Variants in GALNT18 observed in about 807,000 individuals in gnomAD.
GALNT18 encodes polypeptide N-acetylgalactosaminyltransferase 18, also known as GalNAc-transferase 18.
Under a neutral mutation model 69.5 loss-of-function variants are expected in GALNT18, and 44 were observed. That is an observed-to-expected ratio of 0.63 (90% CI 0.50 to 0.81). The LOEUF (loss-of-function observed/expected upper bound fraction) is 0.81, where lower values mean the gene tolerates loss of function less well. Ranked by LOEUF, GALNT18 falls within the 40% of genes least tolerant of loss-of-function variation. The pLI is 0.00. For synonymous variants in GALNT18, 364 were observed against 318.2 expected, an observed-to-expected ratio of 1.14 and a Z score of -1.53; for missense variants, 715 against 810.0, an observed-to-expected ratio of 0.88 and a Z score of 1.42.
rs1850183490 is a variant in GALNT18, at chr11:11,340,463, T to C, written c.1278+356A>G. 6.6e-6 allele frequency among the ~76,000 whole-genome samples: 1 copy of C among 152,180 alleles called. No homozygotes were observed. Among genetic ancestry groups the C allele is most frequent in the Admixed American group, 6.5e-5 (1 of 15,288 alleles). On this transcript the variant is annotated intron_variant, in intron 7 of 10. Coordinates refer to ENST00000227756, the MANE Select transcript of GALNT18 (RefSeq NM_198516.3). The surrounding 1 kb of genome is among the most constrained non-coding windows in gnomAD (Gnocchi z 4.2). Reference sequence around the variant, plus strand: ...TTTTGTAAATTTTTGTAGTTACTGGTATATTTGTAATCCAGGACCATGAAA... The same window carrying C: ...TTTTGTAAATTTTTGTAGTTACTGGCATATTTGTAATCCAGGACCATGAAA...
intron 1 of GALNT18, among the ~76,000 whole-genome samples, chr11:11,519,865 G>A (rs1165642428): frequency 6.6e-6 from 1 of 152,238 alleles, no homozygotes; most frequent in Non-Finnish European, 1.5e-5. Context: ...TAAAGTCTGT[G>A]GGTAACGATG....
At position 11,586,912 on chromosome 11, in the gene GALNT18, C is replaced by T. The variant is rs930544038; in HGVS notation, c.235+34447G>A. Among the ~76,000 whole-genome samples, 3 of 152,078 alleles carry T rather than the reference C, an allele frequency of 2.0e-5. No individual in the cohort carries two copies. The highest frequency in any genetic ancestry group is 7.2e-5 in the African/African-American group (3 of 41,398). ...CTGAGGCAGGAGAATCACTTGAACCCAGGAGGCGGAGGGTGCAGTGAGCCG... is the reference window on the plus strand; with the variant it reads ...CTGAGGCAGGAGAATCACTTGAACCTAGGAGGCGGAGGGTGCAGTGAGCCG... On this transcript the variant is annotated intron_variant, in intron 1 of 10. Coordinates refer to ENST00000227756, the MANE Select transcript of GALNT18 (RefSeq NM_198516.3). This position sits in a 1 kb window ranked among gnomAD's most constrained non-coding sequence, Gnocchi z 4.1.
chr11:11,420,101 G>A (rs550678253), intron 3 of GALNT18, among the ~76,000 whole-genome samples: 7 of 151,686 alleles, frequency 4.6e-5, no homozygotes, highest in South Asian at 2.1e-4. Flanking sequence ...CCTGAGAGTC[G>A]ATTAGGACTC....
chr11:11,525,159 G>A (rs11605409), intron 1 of GALNT18, among the ~76,000 whole-genome samples: 5 of 152,168 alleles, frequency 3.3e-5, no homozygotes, highest in Non-Finnish European at 7.3e-5. Context: ...TAGACAGGGT[G>A]GGGAGGAGGA....
At position 11,555,870 on chromosome 11, in the gene GALNT18, G is replaced by A. The variant is rs1168132739; in HGVS notation, c.235+65489C>T. Among the ~76,000 whole-genome samples, 1 of 152,210 alleles carries A rather than the reference G, an allele frequency of 6.6e-6. No homozygotes were observed. The highest frequency in any genetic ancestry group is 1.5e-5 in the Non-Finnish European group (1 of 68,036). On this transcript the variant is annotated intron_variant, in intron 1 of 10. Transcript: ENST00000227756. This position sits in a 1 kb window ranked among gnomAD's most constrained non-coding sequence, Gnocchi z 4.7. The stretch of plus-strand genomic sequence containing the variant: ...ATGGAATCTTCTCCAAAGACCTCCA[G>A]CACATATCAGGAAAGAGGCTGGGGT...
chr11:11,421,381 T>G lies in GALNT18; in HGVS notation c.595+11240A>C, dbSNP rs544150791. 6.6e-6 allele frequency among the ~76,000 whole-genome samples: 1 copy of G among 152,186 alleles called. No individual in the cohort carries two copies. The highest frequency in any genetic ancestry group is 1.9e-4 in the East Asian group (1 of 5,168). On this transcript the variant is annotated intron_variant, in intron 3 of 10. Transcript: ENST00000227756. This position sits in a 1 kb window ranked among gnomAD's most constrained non-coding sequence, Gnocchi z 5.6. Reference sequence around the variant, plus strand: ...GGATGCTCATTTCAGGAGGAGCTTATCGGTGGGAAGTCCCAGCCCCCATGA... The same window carrying G: ...GGATGCTCATTTCAGGAGGAGCTTAGCGGTGGGAAGTCCCAGCCCCCATGA...
In GALNT18 at chr11:11,281,935, A is replaced by G. The variant is rs569593092; in HGVS notation, c.1678-10645T>C. On this transcript the variant is annotated intron_variant, in intron 10 of 10. Transcript: ENST00000227756. ...AGGCTGGGAGGGGAGGGTGCTCTAG[A>G]ACTGGTAGTAAGGCCATGGTGGGGC... 1.1e-4 allele frequency among the ~76,000 whole-genome samples: 16 copies of G among 152,006 alleles called. 1 individual carries two copies. Among genetic ancestry groups the G allele is most frequent in the African/African-American group, 3.9e-4 (16 of 41,454 alleles).
intron 9 of GALNT18, among the ~76,000 whole-genome samples, chr11:11,321,868 G>A (rs1849845612): frequency 6.6e-6 from 1 of 152,198 alleles, no homozygotes; most frequent in Non-Finnish European, 1.5e-5. Flanking sequence ...GCCTCCCAAA[G>A]TGCTAGGATT....
chr11:11,466,208 C>G (rs148232666), intron 1 of GALNT18, among the ~76,000 whole-genome samples: 1 of 152,212 alleles, frequency 6.6e-6, no homozygotes, highest in Non-Finnish European at 1.5e-5. Flanking sequence ...TCATGGCCTG[C>G]TGGGTGGGTT....
At chr11:11,352,794 G>A (rs969803712) in intron 6 of GALNT18, 34 of 1,614,024 alleles carry the variant, frequency 2.1e-5, no homozygotes, top group Admixed American at 5.0e-5. Context: ...AACCAAGGCG[G>A]GGGTTCGTGA....
intron 7 of GALNT18, among the ~76,000 whole-genome samples, chr11:11,334,662 G>A (rs532911426): frequency 1.3e-5 from 2 of 152,276 alleles, no homozygotes; most frequent in East Asian, 3.9e-4. Context: ...TAAAGTTCTA[G>A]AACGACAAGG....
rs1857441663 is a variant in GALNT18 at position 11,523,300 on chromosome 11, A to C, written c.236-74364T>G. On this transcript the variant is annotated intron_variant, in intron 1 of 10. Coordinates refer to ENST00000227756, the MANE Select transcript of GALNT18 (RefSeq NM_198516.3). The surrounding 1 kb of genome is among the most constrained non-coding windows in gnomAD (Gnocchi z 4.3). ...TTAATACAACAGCTGTTTGAGGCAA[A>C]TCTTGTCACTCTCACAGGTGAGGAC... Among the ~76,000 whole-genome samples the C allele has an allele frequency of 6.6e-6, 1 of 152,180 alleles. No homozygotes were observed. The highest frequency in any genetic ancestry group is 1.5e-5 in the Non-Finnish European group (1 of 68,018).
chr11:11,273,800 C>T (rs1197807507), intron 10 of GALNT18, among the ~76,000 whole-genome samples: 2 of 152,108 alleles, frequency 1.3e-5, no homozygotes, highest in Non-Finnish European at 2.9e-5. Flanking sequence ...CCTAAGTATC[C>T]ATCAATAGGT....
chr11:11,581,671 T>G (rs1859090620), intron 1 of GALNT18, among the ~76,000 whole-genome samples: 1 of 152,108 alleles, frequency 6.6e-6, no homozygotes, highest in Non-Finnish European at 1.5e-5. Flanking sequence ...TTATCCCGCC[T>G]GGCTCCTGCT....
At chr11:11,441,718 T>A (rs887424587) in intron 2 of GALNT18, among the ~76,000 whole-genome samples, 1 of 152,180 alleles carries the variant, frequency 6.6e-6, no homozygotes, top group Non-Finnish European at 1.5e-5. Flanking sequence ...AATCTTTCGC[T>A]CATGGTTAGC....
rs758315609 is a variant in GALNT18 at position 11,379,065 on chromosome 11, C to T, written c.779+16G>A. ...ATCCCACTGGGACTCCTCCTCCTCT[C>T]CCAAGGGGCACTTACCAGCCCACAT... On this transcript the variant is annotated intron_variant, in intron 4 of 10. Transcript: ENST00000227756. 25 of 1,572,500 alleles carry T rather than the reference C, an allele frequency of 1.6e-5. No individual in the cohort carries two copies. The highest frequency in any genetic ancestry group is 2.1e-5 in the Non-Finnish European group (24 of 1,164,572).
At chr11:11,284,908 G>GTTTTT (rs58795517) in intron 10 of GALNT18, among the ~76,000 whole-genome samples, 14,489 of 81,342 alleles carry the variant, frequency 0.18, 1,915 homozygotes, top group African/African-American at 0.2. Context: ...AGACTTTCGT[G>GTTTTT]TTTTTTTTTT....
At chr11:11,363,856 A>T (rs1850696336) in intron 6 of GALNT18, among the ~76,000 whole-genome samples, 1 of 152,190 alleles carries the variant, frequency 6.6e-6, no homozygotes, top group Non-Finnish European at 1.5e-5. Context: ...AATGTGTAAG[A>T]TGAGCCTGGA....
intron 8 of GALNT18, among the ~76,000 whole-genome samples, chr11:11,330,267 A>T (rs890782378): frequency 1.3e-5 from 2 of 152,210 alleles, no homozygotes; most frequent in African/African-American, 4.8e-5. Flanking sequence ...ATGAGTTGGA[A>T]CAGAAAAAGG....
Sources: gnomAD v4.1 joint callset for allele counts (sites outside exome capture counted in the v4.1 genomes callset) on GRCh38, gnomAD v4.1.1 for gene constraint, Gnocchi (gnomAD v3.1) non-coding constraint, MANE v1.5 for transcripts, NCBI Gene and HGNC (gene_info 2026-07-23, HGNC 2026-07-21) for gene names.